The following DYNC1I1 variants were observed in gnomAD, a reference collection of about 807,000 sequenced individuals.
DYNC1I1 encodes the protein dynein cytoplasmic 1 intermediate chain 1.
A neutral mutation model predicts 86.6 loss-of-function variants in DYNC1I1; 43 were observed. That is an observed-to-expected ratio of 0.50 (90% CI 0.39 to 0.64). The LOEUF (loss-of-function observed/expected upper bound fraction) is 0.64. Among genes scored for constraint, DYNC1I1 ranks in the 30% least tolerant of loss-of-function variants. The pLI is 0.00. For synonymous variants in DYNC1I1, 262 were observed against 283.7 expected, an observed-to-expected ratio of 0.92 and a Z score of 0.77; for missense variants, 604 against 788.8, an observed-to-expected ratio of 0.77 and a Z score of 2.81.
intron 6 of DYNC1I1, among the ~76,000 whole-genome samples, chr7:95,884,485 C>A (rs367628392): frequency 2.0e-5 from 3 of 151,778 alleles, no homozygotes; most frequent in Admixed American, 1.3e-4. Context: ...TCACTGTAGC[C>A]TTCCAGTGAG....
intron 14 of DYNC1I1, among the ~76,000 whole-genome samples, chr7:96,055,201 A>G (rs1789535003): frequency 6.6e-6 from 1 of 152,018 alleles, no homozygotes; most frequent in African/African-American, 2.4e-5. Context: ...TAGTTTTCCC[A>G]ACTCCATTTA....
chr7:96,036,385 G>T (rs1487134516), intron 13 of DYNC1I1, among the ~76,000 whole-genome samples: 1 of 152,096 alleles, frequency 6.6e-6, no homozygotes, highest in Non-Finnish European at 1.5e-5. Flanking sequence ...CTAGTTGAGG[G>T]TAAAATACTA....
Position 95,853,362 on chromosome 7 carries a change from C to T in DYNC1I1, c.375-16521C>T, listed in dbSNP as rs565525668. On this transcript the variant is annotated intron_variant, in intron 5 of 16. Coordinates refer to ENST00000447467, the MANE Select transcript of DYNC1I1 (RefSeq NM_001135556.2). ...ACAAGTTCAGCTCCCCTTTGTCTCT[C>T]TTACCCTCTTCTTGCCCGTCTACCA... is the stretch of plus-strand genomic sequence containing the variant. Among the ~76,000 whole-genome samples the T allele has an allele frequency of 1.1e-4, 16 of 152,266 alleles. No homozygotes were observed. The South Asian group carries it at 3.3e-3, about 32-fold the overall frequency.
intron 14 of DYNC1I1, among the ~76,000 whole-genome samples, chr7:96,068,838 G>C (rs939944411): frequency 6.6e-6 from 1 of 152,090 alleles, no homozygotes; most frequent in African/African-American, 2.4e-5. Flanking sequence ...AGGTGAAATG[G>C]GTTGTTAGCC....
intron 5 of DYNC1I1, among the ~76,000 whole-genome samples, chr7:95,842,771 G>T (rs1485566066): frequency 6.6e-6 from 1 of 152,194 alleles, no homozygotes; most frequent in Admixed American, 6.5e-5. Flanking sequence ...GTCGATTCAT[G>T]TATAGCTGTT....
chr7:95,871,966 A>T (rs1261800964), intron 6 of DYNC1I1, among the ~76,000 whole-genome samples: 1 of 152,236 alleles, frequency 6.6e-6, no homozygotes, highest in African/African-American at 2.4e-5. Flanking sequence ...TCCTGGATGG[A>T]TTTGGACAGA....
At chr7:95,869,485 T>C (rs990927418) in intron 5 of DYNC1I1, among the ~76,000 whole-genome samples, 14 of 152,298 alleles carry the variant, frequency 9.2e-5, no homozygotes, top group Middle Eastern at 3.4e-3. Context: ...CTCTTTTTTT[T>C]TTTCAAATTT....
At chr7:95,885,413 G>A (rs1790567993) in intron 6 of DYNC1I1, among the ~76,000 whole-genome samples, 1 of 152,162 alleles carries the variant, frequency 6.6e-6, no homozygotes, top group Non-Finnish European at 1.5e-5. Flanking sequence ...CTGACCTCAA[G>A]TGATCCATTC....
In DYNC1I1 at chr7:95,901,116, C is replaced by T. The variant is rs990182306; in HGVS notation, c.490+31118C>T. Among the ~76,000 whole-genome samples, 52 of 152,292 alleles carry T rather than the reference C, an allele frequency of 3.4e-4. 1 individual carries two copies. The highest frequency in any genetic ancestry group is 5.1e-4 in the African/African-American group (21 of 41,574). ...TCCCAACTAAGTGTGCCAGAGCCTC[C>T]GGCAAAGGCAGACTGCTGACATGGC... On this transcript the variant is annotated intron_variant, in intron 6 of 16. Coordinates refer to ENST00000447467, the MANE Select transcript of DYNC1I1 (RefSeq NM_001135556.2).
Position 96,106,467 on chromosome 7 carries a change from G to A in DYNC1I1, c.1543-3512G>A, listed in dbSNP as rs545661568. Among the ~76,000 whole-genome samples, 10 of 152,120 alleles carry A rather than the reference G, an allele frequency of 6.6e-5. No individual in the cohort carries two copies. In the South Asian group the frequency reaches 1.5e-3, roughly 22 times the overall value. Reference sequence around the variant, plus strand: ...GGAGAATCGCTTCAACTCCAGAGGCGGAGGTTAAAGTGAGCCAAGATCGCG... The same window carrying A: ...GGAGAATCGCTTCAACTCCAGAGGCAGAGGTTAAAGTGAGCCAAGATCGCG... On this transcript the variant is annotated intron_variant, in intron 16 of 16. Coordinates refer to the DYNC1I1 transcript ENST00000537881.
chr7:95,866,021 C>T (rs897415912), intron 5 of DYNC1I1, among the ~76,000 whole-genome samples: 3 of 152,086 alleles, frequency 2.0e-5, no homozygotes, highest in South Asian at 4.1e-4. Context: ...AGCACAGAGT[C>T]GGAACTGAGG....
At chr7:96,018,018 T>A (rs1477071325) in intron 10 of DYNC1I1, among the ~76,000 whole-genome samples, 2 of 152,140 alleles carry the variant, frequency 1.3e-5, no homozygotes. Context: ...ACTAATTAAC[T>A]CTGTTATCAC....
intron 16 of DYNC1I1, among the ~76,000 whole-genome samples, chr7:96,103,690 G>A (rs960901471): frequency 1.3e-5 from 2 of 150,810 alleles, no homozygotes; most frequent in African/African-American, 4.9e-5. Flanking sequence ...TCGGCTCACC[G>A]CAACCTCTGC....
At position 96,048,014 on chromosome 7, in the gene DYNC1I1, G is replaced by A. The variant is rs142249921; in HGVS notation, c.1509+8593G>A. Among the ~76,000 whole-genome samples the A allele has an allele frequency of 3.5e-3, 527 of 152,216 alleles. 1 individual carries two copies. The highest frequency in any genetic ancestry group is 5.7e-3 in the Non-Finnish European group (389 of 68,012). On this transcript the variant is annotated intron_variant, in intron 14 of 16. Coordinates refer to ENST00000447467, the MANE Select transcript of DYNC1I1 (RefSeq NM_001135556.2). ...GTAAGTTTAGCTACATGGAAGTGGA[G>A]GGAGAAGGAGGAAAGAAGAGAAGGT... is the stretch of plus-strand genomic sequence containing the variant.
chr7:95,823,029 T>C (rs944583218), intron 4 of DYNC1I1, among the ~76,000 whole-genome samples: 2 of 152,196 alleles, frequency 1.3e-5, no homozygotes, highest in Non-Finnish European at 2.9e-5. Context: ...GCTGGACATC[T>C]GGCTTCCCAG....
At chr7:95,933,033 AT>A (rs1791943517) in intron 6 of DYNC1I1, among the ~76,000 whole-genome samples, 1 of 151,782 alleles carries the variant, frequency 6.6e-6, no homozygotes, top group Non-Finnish European at 1.5e-5. Flanking sequence ...GGCTTGTGTC[AT>A]CACACTTGGC....
At chr7:95,939,988 G>A (rs1337117536) in intron 6 of DYNC1I1, among the ~76,000 whole-genome samples, 5 of 152,002 alleles carry the variant, frequency 3.3e-5, no homozygotes, top group African/African-American at 1.2e-4. Flanking sequence ...TTTAGGGCAG[G>A]CCTGGTGGTG....
chr7:96,000,223 A>G (rs1057454615), intron 10 of DYNC1I1, among the ~76,000 whole-genome samples: 7 of 152,182 alleles, frequency 4.6e-5, no homozygotes, highest in African/African-American at 1.2e-4. Flanking sequence ...TCAAAATGAA[A>G]GCACATAGTA....
At chr7:95,805,942 G>C (rs933310735) in intron 2 of DYNC1I1, among the ~76,000 whole-genome samples, 2 of 152,184 alleles carry the variant, frequency 1.3e-5, no homozygotes, top group Non-Finnish European at 2.9e-5. Flanking sequence ...CAAAATAAAA[G>C]ATGATTGCAG....
Sources: allele counts gnomAD v4.1 joint callset (sites outside exome capture counted in the v4.1 genomes callset), GRCh38; gene constraint gnomAD v4.1.1; transcripts MANE v1.5; gene names NCBI Gene and HGNC (gene_info 2026-07-23, HGNC 2026-07-21).